Variants in SIPA1L3 observed in about 807,000 individuals in gnomAD.
SIPA1L3 encodes the protein signal-induced proliferation-associated 1-like protein 3.
SIPA1L3 carries 59 observed loss-of-function variants against 150.1 expected under a neutral mutation model. The ratio of observed to expected loss-of-function variants is 0.39; its 90% CI spans 0.32 to 0.49. The LOEUF (loss-of-function observed/expected upper bound fraction) is 0.49, where lower values mean the gene tolerates loss of function less well. Ranked by LOEUF, SIPA1L3 falls within the 20% of genes least tolerant of loss-of-function variation. SIPA1L3 has a pLI of 0.86. For synonymous variants in SIPA1L3, 1,070 were observed against 1,077.6 expected, an observed-to-expected ratio of 0.99 and a Z score of 0.14; for missense variants, 2,211 against 2,489.5, an observed-to-expected ratio of 0.89 and a Z score of 2.38.
rs372270363 is a variant in SIPA1L3, at chr19:38,034,727, A to T, written c.-311+5571A>T. On this transcript the variant is annotated intron_variant, in intron 2 of 21. Transcript: ENST00000222345. ...TAGTCCTCGGGAGAGCACCAGCTGCACGTCTTATTCCTGGCAGCCCTGCAG... is the reference window on the plus strand; with the variant it reads ...TAGTCCTCGGGAGAGCACCAGCTGCTCGTCTTATTCCTGGCAGCCCTGCAG... Among the ~76,000 whole-genome samples, 77 of 152,306 alleles carry T rather than the reference A, an allele frequency of 5.1e-4. 2 individuals are homozygous for T. In the East Asian group the frequency reaches 0.011, roughly 21 times the overall value.
chr19:38,071,569 A>G (rs1238796666), intron 2 of SIPA1L3, among the ~76,000 whole-genome samples: 1 of 152,184 alleles, frequency 6.6e-6, no homozygotes, highest in African/African-American at 2.4e-5. Context: ...GATTACAGGC[A>G]TGAGCCACTG....
At chr19:38,095,841 A>G (rs1338517717) in intron 4 of SIPA1L3, among the ~76,000 whole-genome samples, 1 of 152,194 alleles carries the variant, frequency 6.6e-6, no homozygotes, top group East Asian at 1.9e-4. Flanking sequence ...ACCCGTCTCC[A>G]GGGAGGAAGA....
At chr19:37,942,991 C>T (rs988152550) in intron 1 of SIPA1L3, among the ~76,000 whole-genome samples, 1 of 147,568 alleles carries the variant, frequency 6.8e-6, no homozygotes, top group Non-Finnish European at 1.5e-5. Context: ...GGATTAGATG[C>T]GTGAGCCACA....
intron 2 of SIPA1L3, among the ~76,000 whole-genome samples, chr19:38,030,565 C>T (rs985106201): frequency 6.8e-6 from 1 of 146,192 alleles, no homozygotes; most frequent in African/African-American, 2.5e-5. Flanking sequence ...TACATACATA[C>T]ACATGTATGG....
chr19:38,146,729 G>A (rs1971709889), intron 12 of SIPA1L3, among the ~76,000 whole-genome samples: 1 of 152,198 alleles, frequency 6.6e-6, no homozygotes, highest in Non-Finnish European at 1.5e-5. Flanking sequence ...ATTTGGCGTT[G>A]TCACTGTTTT....
rs764242185 is a variant in SIPA1L3 at position 38,088,706 on chromosome 19, G to T, written c.1535-15G>T. ...CAGACAGCTGAGCCTGAACTCGCCT[G>T]CTCTTCCTTCTTAGAACATGCCAAT... On this transcript the variant is annotated splice_polypyrimidine_tract_variant and intron_variant, in intron 3 of 21. Transcript: ENST00000222345. 6 of 1,611,946 alleles carry T rather than the reference G, an allele frequency of 3.7e-6. No individual in the cohort carries two copies. The African/African-American group carries it at 6.7e-5, about 18-fold the overall frequency.
At chr19:38,136,819 G>A (rs1351777741) in intron 10 of SIPA1L3, among the ~76,000 whole-genome samples, 1 of 152,192 alleles carries the variant, frequency 6.6e-6, no homozygotes, top group East Asian at 1.9e-4. Context: ...TGGGGAAGGC[G>A]AGAGCCGGGA....
intron 13 of SIPA1L3, among the ~76,000 whole-genome samples, chr19:38,154,473 G>A (rs1278452329): frequency 6.6e-6 from 1 of 152,024 alleles, no homozygotes; most frequent in African/African-American, 2.4e-5. Context: ...TTTAAACGGA[G>A]TTTCGCTCTT....
intron 1 of SIPA1L3, among the ~76,000 whole-genome samples, chr19:37,959,049 G>A (rs1201316137): frequency 6.6e-6 from 1 of 152,228 alleles, no homozygotes; most frequent in Non-Finnish European, 1.5e-5. Flanking sequence ...AGGATGTGGA[G>A]AAATTGGAAC....
intron 1 of SIPA1L3, among the ~76,000 whole-genome samples, chr19:37,986,849 A>G (rs1359739272): frequency 6.6e-6 from 1 of 152,172 alleles, no homozygotes; most frequent in Non-Finnish European, 1.5e-5. Context: ...CACTGAATGT[A>G]GCTGAGAACC....
chr19:38,161,707 A>G (rs1477772925), intron 13 of SIPA1L3, among the ~76,000 whole-genome samples: 1 of 152,090 alleles, frequency 6.6e-6, no homozygotes, highest in Non-Finnish European at 1.5e-5. Flanking sequence ...AGCCTGAGCG[A>G]CAGAGCGAGA....
chr19:38,061,838 C>A (rs1259866996), intron 2 of SIPA1L3, among the ~76,000 whole-genome samples: 1 of 147,896 alleles, frequency 6.8e-6, no homozygotes, highest in East Asian at 2.0e-4. Context: ...ATCTAGTTGG[C>A]TGGCTAATTG....
chr19:38,098,288 G>A (rs981444768), intron 4 of SIPA1L3, among the ~76,000 whole-genome samples: 2 of 151,792 alleles, frequency 1.3e-5, no homozygotes, highest in African/African-American at 4.8e-5. Flanking sequence ...ACTTTTTGTT[G>A]TCTCTTTCCT....
rs192452647 is a variant in SIPA1L3, at chr19:38,162,737, G to A, written c.3780+366G>A. ...CAGTGAGCATCTACCCGCCATTCAC[G>A]TGGTGATTCAGAGCCCAGGCTCCCT... On this transcript the variant is annotated intron_variant, in intron 14 of 21. Transcript: ENST00000222345. Among the ~76,000 whole-genome samples the A allele has an allele frequency of 2.8e-3, 428 of 152,340 alleles. 6 individuals carry two copies. The highest frequency in any genetic ancestry group is 5.0e-4 in the Non-Finnish European group (34 of 68,034).
intron 2 of SIPA1L3, among the ~76,000 whole-genome samples, chr19:38,044,402 G>C (rs1179131561): frequency 6.6e-6 from 1 of 152,184 alleles, no homozygotes; most frequent in Non-Finnish European, 1.5e-5. Flanking sequence ...GAGCGAAGCT[G>C]TGCGGAGAGA....
intron 1 of SIPA1L3, among the ~76,000 whole-genome samples, chr19:38,017,030 G>T (rs1968252323): frequency 1.3e-5 from 2 of 150,754 alleles, no homozygotes; most frequent in East Asian, 3.9e-4. Flanking sequence ...CTGAGTAGCT[G>T]AGATTACAGG....
At chr19:38,032,591 C>T (rs1968676767) in intron 2 of SIPA1L3, among the ~76,000 whole-genome samples, 2 of 152,286 alleles carry the variant, frequency 1.3e-5, no homozygotes, top group South Asian at 4.2e-4. Flanking sequence ...GTAATCCCAA[C>T]ACCTTTGGGA....
At chr19:38,153,971 A>G (rs1258749736) in intron 13 of SIPA1L3, among the ~76,000 whole-genome samples, 1 of 152,112 alleles carries the variant, frequency 6.6e-6, no homozygotes, top group Non-Finnish European at 1.5e-5. Flanking sequence ...ATGAAGACAC[A>G]GCCTGATAAC....
Position 38,206,336 on chromosome 19 carries a change from A to C in SIPA1L3, c.*96A>C. ...CAGCTCCCAGCTGCCGGTGTGACCA[A>C]GATGACCCATCCAGGGCCCTCCCCA... On this transcript the variant is annotated 3_prime_UTR_variant, in exon 22 of 22. Coordinates refer to ENST00000222345, the MANE Select transcript of SIPA1L3 (RefSeq NM_015073.3). The C allele has an allele frequency of 7.1e-7, 1 of 1,410,556 alleles. No homozygotes were observed. The highest frequency in any genetic ancestry group is 1.4e-5 in the African/African-American group (1 of 69,386). 87.4% of individuals were successfully genotyped at this position (1,410,556 alleles called of 1,614,324 possible).
Sources: allele counts gnomAD v4.1 joint callset (sites outside exome capture counted in the v4.1 genomes callset), GRCh38; gene constraint gnomAD v4.1.1; transcripts MANE v1.5; gene names NCBI Gene and HGNC (gene_info 2026-07-23, HGNC 2026-07-21).